Variants in RNF139 observed in about 807,000 individuals in gnomAD.
RNF139 encodes the protein ring finger protein 139.
A neutral mutation model predicts 49.5 loss-of-function variants in RNF139; 15 were observed. The ratio of observed to expected loss-of-function variants is 0.30; its 90% CI spans 0.20 to 0.47. The LOEUF (loss-of-function observed/expected upper bound fraction) is 0.47, where lower values mean the gene tolerates loss of function less well. Ranked by LOEUF, RNF139 falls within the 20% of genes least tolerant of loss-of-function variation. RNF139 has a pLI of 1.00. For missense variants in RNF139, 619 were observed against 806.3 expected, an observed-to-expected ratio of 0.77 and a Z score of 2.81; for synonymous variants, 325 against 300.9, an observed-to-expected ratio of 1.08 and a Z score of -0.83.
intron 1 of RNF139, among the ~76,000 whole-genome samples, chr8:124,480,046 T>C (rs1816380526): frequency 6.6e-6 from 1 of 151,960 alleles, no homozygotes; most frequent in Non-Finnish European, 1.5e-5. Context: ...GGTGAGAAGA[T>C]CGCTTGGGCC....
At chr8:124,484,661 T>C (rs542995424) in intron 1 of RNF139, among the ~76,000 whole-genome samples, 1 of 152,328 alleles carries the variant, frequency 6.6e-6, no homozygotes, top group African/African-American at 2.4e-5. Flanking sequence ...ATTCCCATTG[T>C]TGAAACCTTG....
At chr8:124,479,395 G>A (rs1816368705) in intron 1 of RNF139, among the ~76,000 whole-genome samples, 3 of 152,184 alleles carry the variant, frequency 2.0e-5, no homozygotes, top group African/African-American at 7.2e-5. Flanking sequence ...GTCTAGCCAT[G>A]CAATAAAGTT....
intron 1 of RNF139, among the ~76,000 whole-genome samples, chr8:124,477,153 T>G (rs1451321463): frequency 6.6e-6 from 1 of 152,238 alleles, no homozygotes; most frequent in Non-Finnish European, 1.5e-5. Context: ...GGCAAAATAT[T>G]GGTGTTGTTT....
intron 1 of RNF139, among the ~76,000 whole-genome samples, chr8:124,481,215 C>T (rs546759636): frequency 1.7e-4 from 26 of 152,164 alleles, no homozygotes; most frequent in African/African-American, 6.0e-4. Flanking sequence ...AACTTCATTG[C>T]GGAAGGCTCC....
At chr8:124,485,193 G>A (rs971189047) in intron 1 of RNF139, among the ~76,000 whole-genome samples, 3 of 152,098 alleles carry the variant, frequency 2.0e-5, no homozygotes, top group East Asian at 1.9e-4. Flanking sequence ...GTGAAACCCC[G>A]TCTCTACTAA....
intron 1 of RNF139, among the ~76,000 whole-genome samples, chr8:124,479,421 A>AT (rs1335561918): frequency 2.0e-5 from 3 of 152,316 alleles, no homozygotes; most frequent in African/African-American, 7.2e-5. Flanking sequence ...AAGAAATGAG[A>AT]TAGCTATTTT....
chr8:124,476,571 G>T (rs552417976), intron 1 of RNF139, among the ~76,000 whole-genome samples: 13 of 152,190 alleles, frequency 8.5e-5, no homozygotes, highest in Non-Finnish European at 1.8e-4. Context: ...TAAAACTAAA[G>T]ATGTAAACGT....
rs756468360 is a variant in RNF139, at chr8:124,487,285, G to A, written c.1636G>A (p.Val546Ile). The A allele has an allele frequency of 3.1e-6, 5 of 1,613,866 alleles. No homozygotes were observed. The highest frequency in any genetic ancestry group is 4.5e-5 in the East Asian group (2 of 44,884). ...KGSRLQEIND[V>I]CAICYHEFTT... is the part of the protein sequence containing the mutation. ...GAGCCGCTTACAAGAAATAAATGAT[G>A]TATGTGCAATCTGCTATCATGAGTT... The change falls in exon 2 of 2, where the codon GTA becomes ATA. Residue 546 changes from valine (V) to isoleucine (I), a missense_variant. Coordinates refer to ENST00000303545, the MANE Select transcript of RNF139 (RefSeq NM_007218.4).
rs1433325935 is a variant in RNF139 at position 124,486,020 on chromosome 8, C to T, written c.371C>T (p.Pro124Leu). ...FGIELLPRKG[P>L]SLWMALIVLQ... ...ATTGAGCTGCTTCCTCGAAAAGGTC[C>T]CTCGCTGTGGATGGCACTTATCGTT... Residue 124 changes from proline (P) to leucine (L), a missense_variant, in exon 2 of 2, where the codon CCC becomes CTC. By Grantham distance (98) the Pro-to-Leu change is moderately conservative (BLOSUM62 -3). This residue lies in a region of RNF139 where 530 missense variants were observed against 728.9 expected (regional missense o/e 0.73). Coordinates refer to ENST00000303545, the MANE Select transcript of RNF139 (RefSeq NM_007218.4). 3.1e-6 allele frequency: 5 copies of T among 1,614,142 alleles called. No homozygotes were observed. The African/African-American group carries it at 4.0e-5, about 13-fold the overall frequency.
chr8:124,479,825 ATTGAGGTAAATATGGACTG>A (rs1816377099), intron 1 of RNF139, among the ~76,000 whole-genome samples: 1 of 152,212 alleles, frequency 6.6e-6, no homozygotes, highest in Non-Finnish European at 1.5e-5. Context: ...ATTGAAGTAC[ATTGAGGTAAATATGGACTG>A]TTGAATTAAT....
rs777516153 is a variant in RNF139, at chr8:124,487,308, G to A, written c.1659G>A (p.Glu553=). The A allele has an allele frequency of 1.9e-6, 3 of 1,614,064 alleles. No homozygotes were observed. The highest frequency in any genetic ancestry group is 1.7e-5 in the Admixed American group (1 of 60,024). Residue 553 remains glutamate (E), a synonymous_variant, in exon 2 of 2, where the codon GAG becomes GAA. Coordinates refer to ENST00000303545, the MANE Select transcript of RNF139 (RefSeq NM_007218.4). ...INDVCAICYH[E]FTTSARITPC... Reference sequence around the variant, plus strand: ...ATGTATGTGCAATCTGCTATCATGAGTTTACAACATCTGCTCGTATTACAC... The same window carrying A: ...ATGTATGTGCAATCTGCTATCATGAATTTACAACATCTGCTCGTATTACAC...
Position 124,486,798 on chromosome 8 carries a change from GTCA to G in RNF139, c.1152_1154del (p.Ser385del). On this transcript the variant is annotated inframe_deletion, in exon 2 of 2. Coordinates refer to ENST00000303545, the MANE Select transcript of RNF139 (RefSeq NM_007218.4). Reference sequence around the variant, plus strand: ...TAATGTCTCTCAGTGCCTCTCATGTGTCATCTTTTCGTAGACATTTTCCTGTGC... The same window carrying G: ...TAATGTCTCTCAGTGCCTCTCATGTGTCTTTTCGTAGACATTTTCCTGTGC... The G allele has an allele frequency of 6.2e-7, 1 of 1,613,784 alleles. No individual in the cohort carries two copies. Among genetic ancestry groups the G allele is most frequent in the African/African-American group, 1.3e-5 (1 of 74,964 alleles).
chr8:124,482,535 G>T (rs1816431689), intron 1 of RNF139, among the ~76,000 whole-genome samples: 1 of 152,002 alleles, frequency 6.6e-6, no homozygotes, highest in Admixed American at 6.6e-5. Flanking sequence ...AAATAAGGTG[G>T]TTTTCCATGT....
intron 1 of RNF139, among the ~76,000 whole-genome samples, chr8:124,481,756 A>T (rs185052994): frequency 6.6e-6 from 1 of 152,252 alleles, no homozygotes; most frequent in Admixed American, 6.5e-5. Flanking sequence ...CCAAATCCTA[A>T]TGAGAAACTG....
intron 1 of RNF139, among the ~76,000 whole-genome samples, chr8:124,476,625 T>A (rs1816320342): frequency 6.6e-6 from 1 of 152,222 alleles, no homozygotes. Context: ...TGCTACCTAA[T>A]TCCAGCCTTT....
chr8:124,479,823 A>G (rs964064181), intron 1 of RNF139, among the ~76,000 whole-genome samples: 1 of 152,226 alleles, frequency 6.6e-6, no homozygotes, highest in Non-Finnish European at 1.5e-5. Context: ...GAATTGAAGT[A>G]CATTGAGGTA....
Position 124,487,162 on chromosome 8 carries a change from T to C in RNF139, c.1513T>C (p.Tyr505His). Residue 505 changes from tyrosine to histidine, a missense_variant, in exon 2 of 2, where the codon TAT becomes CAT. Physicochemically the swap from Tyr to His is moderately conservative, Grantham distance 83 (BLOSUM62 2). Coordinates refer to ENST00000303545, the MANE Select transcript of RNF139 (RefSeq NM_007218.4). Reference sequence around the variant, plus strand: ...GGCTTTTATGATGTGCCTACATGCATATTTTAACATCTACTTACAAGCCAA... The same window carrying C: ...GGCTTTTATGATGTGCCTACATGCACATTTTAACATCTACTTACAAGCCAA... ...IRAFMMCLHA[Y>H]FNIYLQAKNG... 1 of 1,613,998 alleles carries C rather than the reference T, an allele frequency of 6.2e-7. No individual in the cohort carries two copies. Among genetic ancestry groups the C allele is most frequent in the Non-Finnish European group, 8.5e-7 (1 of 1,180,010 alleles).
Position 124,478,823 on chromosome 8 carries a change from G to A in RNF139, c.181+3533G>A, listed in dbSNP as rs185168143. On this transcript the variant is annotated intron_variant, in intron 1 of 1. Transcript: ENST00000303545. ...CAACTTCCACCTCCCAGGTTCGGGCGATTCTCCGGCCTCAGCCTCCCGAGT... is the reference window on the plus strand; with the variant it reads ...CAACTTCCACCTCCCAGGTTCGGGCAATTCTCCGGCCTCAGCCTCCCGAGT... 5.5e-3 allele frequency among the ~76,000 whole-genome samples: 826 copies of A among 150,880 alleles called. 9 individuals are homozygous for A. Among genetic ancestry groups the A allele is most frequent in the African/African-American group, 0.019 (800 of 41,086 alleles).
chr8:124,487,246 C>G lies in RNF139; in HGVS notation c.1597C>G (p.Pro533Ala). The change falls in exon 2 of 2, where the codon CCT becomes GCT. Residue 533 changes from proline to alanine, a missense_variant. Coordinates refer to ENST00000303545, the MANE Select transcript of RNF139 (RefSeq NM_007218.4). ...RTAVKKINSLPEIKGSRLQEI... is the reference protein window; with the variant it reads ...RTAVKKINSLAEIKGSRLQEI... Reference sequence around the variant, plus strand: ...TGCTGTGAAGAAAATTAATTCACTTCCTGAAATAAAAGGGAGCCGCTTACA... The same window carrying G: ...TGCTGTGAAGAAAATTAATTCACTTGCTGAAATAAAAGGGAGCCGCTTACA... 1 of 1,613,778 alleles carries G rather than the reference C, an allele frequency of 6.2e-7. No homozygotes were observed. Among genetic ancestry groups the G allele is most frequent in the Non-Finnish European group, 8.5e-7 (1 of 1,179,944 alleles).
Sources: gnomAD v4.1 joint callset for allele counts (sites outside exome capture counted in the v4.1 genomes callset) on GRCh38, gnomAD v4.1.1 for gene constraint, gnomAD v4.1.1 regional missense constraint, MANE v1.5 for transcripts, NCBI Gene and HGNC (gene_info 2026-07-23, HGNC 2026-07-21) for gene names.